WBP1L: variants seen among roughly 807,000 people sequenced by gnomAD.
The protein encoded by WBP1L is WW domain binding protein 1-like.
In WBP1L, 17 loss-of-function variants were observed where a neutral mutation model predicts 33.7. That is an observed-to-expected ratio of 0.50 (90% confidence interval 0.34 to 0.76). The LOEUF (loss-of-function observed/expected upper bound fraction) is 0.76, where lower values mean the gene tolerates loss of function less well. Ranked by LOEUF, WBP1L falls within the 30% of genes least tolerant of loss-of-function variation. The pLI is 0.01. For missense variants in WBP1L, 389 were observed against 469.4 expected (o/e 0.83, Z 1.58); for synonymous variants, 173 against 190.8 (o/e 0.91, Z 0.77).
chr10:102,747,765 C>A (rs542258987), intron 1 of WBP1L, among the ~76,000 whole-genome samples: 3 of 152,216 alleles, frequency 2.0e-5, no homozygotes, highest in African/African-American at 4.8e-5. Context: ...TGGGCTCAAG[C>A]GATCTGCCCA....
In WBP1L at chr10:102,744,297, T is replaced by C. The variant is rs904043530; in HGVS notation, c.90+154T>C. The C allele has an allele frequency of 4.4e-6, 4 of 919,318 alleles. No individual in the cohort carries two copies. In the African/African-American group the frequency reaches 7.2e-5, roughly 16 times the overall value. The allele number at this position is 919,318 out of a possible 1,614,324, so 56.9% of individuals were successfully genotyped here. ...ACAGGATCTAAAGGGGCGTCGGTAT[T>C]TAGCTGAGGGACACCTGTGACAGTT... On this transcript the variant is annotated intron_variant, in intron 1 of 3. Coordinates refer to ENST00000448841, the MANE Select transcript of WBP1L (RefSeq NM_001083913.2).
At chr10:102,761,538 C>T (rs1028172064) in intron 1 of WBP1L, among the ~76,000 whole-genome samples, 1 of 151,458 alleles carries the variant, frequency 6.6e-6, no homozygotes, top group Admixed American at 6.6e-5. Flanking sequence ...CTCATTGCAA[C>T]CTCCGCCTCC....
chr10:102,813,256 G>T lies in WBP1L; in HGVS notation c.1017G>T (p.Pro339=), dbSNP rs565100190. 2 of 1,612,802 alleles carry T rather than the reference G, an allele frequency of 1.2e-6. No individual in the cohort carries two copies. The highest frequency in any genetic ancestry group is 8.5e-7 in the Non-Finnish European group (1 of 1,179,976). ...CTGGGCACCCGCACCTGCCACGGCC[G>T]CCCGCATGCCTGCTGCTGAACACCA... is the stretch of plus-strand genomic sequence containing the variant. ...REPGHPHLPR[P]PACLLLNTIN... Residue 339 remains proline (P), a synonymous_variant, in exon 4 of 4, where the codon CCG becomes CCT. Transcript: ENST00000448841.
intron 1 of WBP1L, among the ~76,000 whole-genome samples, chr10:102,794,273 G>C (rs756801025): frequency 1.1e-4 from 17 of 152,178 alleles, no homozygotes; most frequent in Non-Finnish European, 1.9e-4. Flanking sequence ...GCTTGAGGCT[G>C]CTATGTCAGG....
chr10:102,800,966 G>C (rs574623013), intron 2 of WBP1L, among the ~76,000 whole-genome samples: 1 of 152,066 alleles, frequency 6.6e-6, no homozygotes, highest in Admixed American at 6.6e-5. Context: ...AAAGGCCTCC[G>C]GGAAAAAATG....
At chr10:102,756,374 T>C (rs2482500) in intron 1 of WBP1L, among the ~76,000 whole-genome samples, 147,876 of 152,196 alleles carry the variant, frequency 0.97, 71,871 homozygotes, top group East Asian at 1. Flanking sequence ...CGTGCCTCCA[T>C]ACTCCAGCCT....
intron 1 of WBP1L, among the ~76,000 whole-genome samples, chr10:102,778,873 G>GT (rs1431471633): frequency 2.6e-5 from 4 of 152,144 alleles, no homozygotes; most frequent in Non-Finnish European, 5.9e-5. Context: ...CCATATGATT[G>GT]TTTTTTCCCC....
At chr10:102,769,360 CT>C (rs35421138) in intron 1 of WBP1L, among the ~76,000 whole-genome samples, 244 of 118,044 alleles carry the variant, frequency 2.1e-3, no homozygotes, top group Non-Finnish European at 2.6e-3. Context: ...TTTTTTCTTT[CT>C]TTTTTTTTTT....
chr10:102,796,371 G>A (rs1483900477), intron 1 of WBP1L, among the ~76,000 whole-genome samples: 1 of 152,188 alleles, frequency 6.6e-6, no homozygotes, highest in African/African-American at 2.4e-5. Context: ...ACTAAGCCGG[G>A]GAACTGGTTT....
At chr10:102,772,179 T>C (rs1278529317) in intron 1 of WBP1L, among the ~76,000 whole-genome samples, 2 of 151,526 alleles carry the variant, frequency 1.3e-5, no homozygotes, top group Admixed American at 6.6e-5. Flanking sequence ...AGGATGGTCT[T>C]GATCTCCCGA....
intron 1 of WBP1L, chr10:102,776,513 A>G: frequency 6.5e-7 from 1 of 1,538,886 alleles, no homozygotes; most frequent in Non-Finnish European, 9.0e-7. Flanking sequence ...ATTTTAGCAA[A>G]TGCCTCTCAG....
At chr10:102,810,255 TC>T (rs1843810334) in intron 3 of WBP1L, among the ~76,000 whole-genome samples, 1 of 152,024 alleles carries the variant, frequency 6.6e-6, no homozygotes, top group South Asian at 2.1e-4. Flanking sequence ...GGGGTGCAGT[TC>T]CCTGAAGCCA....
chr10:102,750,035 G>A (rs1233520063), intron 1 of WBP1L, among the ~76,000 whole-genome samples: 1 of 151,686 alleles, frequency 6.6e-6, no homozygotes, highest in African/African-American at 2.4e-5. Context: ...GCCCGCCTTG[G>A]CCTCTCAAAG....
Position 102,809,845 on chromosome 10 carries a change from G to A in WBP1L, c.194-48G>A, listed in dbSNP as rs766634834. On this transcript the variant is annotated intron_variant, in intron 2 of 3. Transcript: ENST00000448841. ...CCCTGTTCCGCAAGCTGCCCCTCTGGCTGGTACTCACTGTGTGCCTCTCTG... is the reference window on the plus strand; with the variant it reads ...CCCTGTTCCGCAAGCTGCCCCTCTGACTGGTACTCACTGTGTGCCTCTCTG... 5 of 1,570,224 alleles carry A rather than the reference G, an allele frequency of 3.2e-6. No homozygotes were observed. In the South Asian group the frequency reaches 5.9e-5, roughly 18 times the overall value.
Position 102,812,845 on chromosome 10 carries a change from C to A in WBP1L, c.606C>A (p.Asp202Glu). 1 of 1,578,682 alleles carries A rather than the reference C, an allele frequency of 6.3e-7. No homozygotes were observed. The highest frequency in any genetic ancestry group is 1.2e-5 in the South Asian group (1 of 86,090). ...GCATCGCTGACCCTGATCCCTCTGA[C>A]CTACCAGTTGACCGAGCAGCCACCA... is the stretch of plus-strand genomic sequence containing the variant. ...PPSIADPDPS[D>E]LPVDRAATKA... Residue 202 changes from aspartate to glutamate, a missense_variant, in exon 4 of 4, where the codon GAC becomes GAA. By Grantham distance (45) the Asp-to-Glu change is conservative. Transcript: ENST00000448841.
chr10:102,749,464 T>TC (rs1326454438), intron 1 of WBP1L, among the ~76,000 whole-genome samples: 6 of 151,464 alleles, frequency 4.0e-5, no homozygotes, highest in African/African-American at 7.3e-5. Context: ...CTTTTTTTTT[T>TC]CTCTCTAATA....
Position 102,776,293 on chromosome 10 carries a change from ACCGCACACACAGG to A in WBP1L, c.91-21697_91-21685del, listed in dbSNP as rs1843260884. ...TAAAGAAGGCCGGTGAACCAGGACC[ACCGCACACACAGG>A]CCCACCAGGGGCAATGCTCATTCCA... is the stretch of plus-strand genomic sequence containing the variant. On this transcript the variant is annotated intron_variant, in intron 1 of 3. Transcript: ENST00000448841. 8 of 1,611,896 alleles carry A rather than the reference ACCGCACACACAGG, an allele frequency of 5.0e-6. No individual in the cohort carries two copies. In the East Asian group the frequency reaches 1.8e-4, roughly 36 times the overall value.
chr10:102,775,585 T>G (rs1490256580), intron 1 of WBP1L, among the ~76,000 whole-genome samples: 2 of 152,200 alleles, frequency 1.3e-5, no homozygotes, highest in African/African-American at 4.8e-5. Flanking sequence ...ACTTGCGCAG[T>G]TTGTTTATGA....
intron 1 of WBP1L, among the ~76,000 whole-genome samples, chr10:102,760,777 G>T (rs1252515554): frequency 6.6e-6 from 1 of 152,134 alleles, no homozygotes; most frequent in Non-Finnish European, 1.5e-5. Flanking sequence ...CGCTCGTTTG[G>T]GGAGTCTTAG....
Sources: allele counts gnomAD v4.1 joint callset (sites outside exome capture counted in the v4.1 genomes callset), GRCh38; gene constraint gnomAD v4.1.1; transcripts MANE v1.5; gene names NCBI Gene and HGNC (gene_info 2026-07-23, HGNC 2026-07-21).